The following CHSY3 variants were observed in gnomAD, a reference collection of about 807,000 sequenced individuals.
The protein encoded by CHSY3 is chondroitin sulfate synthase 3.
Under a neutral mutation model 67.2 loss-of-function variants are expected in CHSY3, and 35 were observed. That is an observed-to-expected ratio of 0.52 (90% CI 0.40 to 0.69). The LOEUF is 0.69. CHSY3 is among the 30% of genes least tolerant of loss of function. The pLI, the probability that CHSY3 is intolerant of heterozygous loss-of-function variation, is 0.00. For synonymous variants in CHSY3, 474 were observed against 434.7 expected, an observed-to-expected ratio of 1.09 and a Z score of -1.12; for missense variants, 1,069 against 1,138.5, an observed-to-expected ratio of 0.94 and a Z score of 0.88.
At chr5:130,001,613 TA>T (rs1373516666) in intron 2 of CHSY3, 6 of 866,596 alleles carry the variant, frequency 6.9e-6, no homozygotes, top group Non-Finnish European at 8.3e-6. Context: ...TGTGAGAATT[TA>T]TGTGTTGTTG....
intron 2 of CHSY3, among the ~76,000 whole-genome samples, chr5:129,944,212 C>G (rs1761780371): frequency 6.6e-6 from 1 of 152,192 alleles, no homozygotes; most frequent in African/African-American, 2.4e-5. Context: ...AGTGACCCAT[C>G]TGAACATCCA....
intron 2 of CHSY3, among the ~76,000 whole-genome samples, chr5:130,160,915 T>TA (rs1339310656): frequency 2.1e-5 from 3 of 142,264 alleles, no homozygotes; most frequent in East Asian, 4.1e-4. Context: ...TTTTATTTTT[T>TA]TTTTTTTGAG....
intron 2 of CHSY3, among the ~76,000 whole-genome samples, chr5:129,961,104 G>A (rs950986076): frequency 2.0e-5 from 3 of 151,978 alleles, no homozygotes; most frequent in Non-Finnish European, 2.9e-5. Flanking sequence ...TTCAGAAAAC[G>A]GGCAATGGAA....
intron 2 of CHSY3, among the ~76,000 whole-genome samples, chr5:130,158,668 T>A (rs1036776892): frequency 6.6e-6 from 1 of 152,198 alleles, no homozygotes; most frequent in Non-Finnish European, 1.5e-5. Flanking sequence ...TGACCTTTTA[T>A]AAAGGAAAGT....
chr5:130,143,404 A>G (rs920521678), intron 2 of CHSY3, among the ~76,000 whole-genome samples: 6 of 152,108 alleles, frequency 3.9e-5, no homozygotes, highest in Admixed American at 6.6e-5. Flanking sequence ...AAATTAATCT[A>G]TGCTATTTGA....
intron 2 of CHSY3, among the ~76,000 whole-genome samples, chr5:130,144,930 G>C (rs1165151370): frequency 6.6e-6 from 1 of 152,146 alleles, no homozygotes; most frequent in East Asian, 1.9e-4. Context: ...TTCTGGGGAG[G>C]CCTCAGGAAA....
intron 2 of CHSY3, among the ~76,000 whole-genome samples, chr5:130,125,901 C>T (rs1232409642): frequency 6.6e-6 from 1 of 152,154 alleles, no homozygotes; most frequent in African/African-American, 2.4e-5. Context: ...CCTTTCCACT[C>T]CATAATAAAA....
chr5:130,085,488 A>G (rs1324760081), intron 2 of CHSY3, among the ~76,000 whole-genome samples: 2 of 151,800 alleles, frequency 1.3e-5, no homozygotes, highest in African/African-American at 2.4e-5. Context: ...TGTCTATTTG[A>G]TTCTTCTCTC....
rs1291780147 is a variant in CHSY3, at chr5:130,137,259, A to G, written c.1087-46970A>G. On this transcript the variant is annotated intron_variant, in intron 2 of 2. Coordinates refer to ENST00000305031, the MANE Select transcript of CHSY3 (RefSeq NM_175856.5). Reference sequence around the variant, plus strand: ...TTCCATGCTATTTAATACAACCAAAATACATCTTCCTACAACTCTTTTCCT... The same window carrying G: ...TTCCATGCTATTTAATACAACCAAAGTACATCTTCCTACAACTCTTTTCCT... 2.0e-5 allele frequency among the ~76,000 whole-genome samples: 3 copies of G among 152,176 alleles called. No homozygotes were observed. The East Asian group carries it at 5.8e-4, about 29-fold the overall frequency.
At chr5:130,067,979 T>C (rs530363706) in intron 2 of CHSY3, among the ~76,000 whole-genome samples, 1 of 152,264 alleles carries the variant, frequency 6.6e-6, no homozygotes, top group South Asian at 2.1e-4. Flanking sequence ...TAAATAACTT[T>C]CCCAGTGAAT....
At chr5:129,912,924 C>T (rs897807343) in intron 2 of CHSY3, among the ~76,000 whole-genome samples, 6 of 152,176 alleles carry the variant, frequency 3.9e-5, no homozygotes, top group African/African-American at 1.4e-4. Context: ...ATGGGTTATA[C>T]CTCAAACTTT....
chr5:129,950,414 C>G (rs1370475571), intron 2 of CHSY3, among the ~76,000 whole-genome samples: 1 of 151,942 alleles, frequency 6.6e-6, no homozygotes, highest in Non-Finnish European at 1.5e-5. Context: ...CCCTGGAAGC[C>G]CTAGCCAGAG....
At chr5:130,139,122 G>C (rs1768772639) in intron 2 of CHSY3, among the ~76,000 whole-genome samples, 1 of 152,120 alleles carries the variant, frequency 6.6e-6, no homozygotes, top group Non-Finnish European at 1.5e-5. Flanking sequence ...TTAATTTGTT[G>C]CCCTAAAACA....
At chr5:130,020,648 C>T (rs533938148) in intron 2 of CHSY3, among the ~76,000 whole-genome samples, 2 of 151,604 alleles carry the variant, frequency 1.3e-5, no homozygotes, top group African/African-American at 4.8e-5. Context: ...AATGTGAGTT[C>T]CCAGACAATT....
At chr5:130,175,135 G>A (rs1007524629) in intron 2 of CHSY3, among the ~76,000 whole-genome samples, 2 of 152,028 alleles carry the variant, frequency 1.3e-5, no homozygotes, top group Non-Finnish European at 2.9e-5. Flanking sequence ...CCCATTACCA[G>A]TATGTAAAGC....
At chr5:129,934,202 C>T (rs558046698) in intron 2 of CHSY3, among the ~76,000 whole-genome samples, 1 of 152,016 alleles carries the variant, frequency 6.6e-6, no homozygotes, top group South Asian at 2.1e-4. Context: ...TAGAAAAATG[C>T]TTATGACATA....
In CHSY3 at chr5:130,184,498, C is replaced by A. The variant is rs763876032; in HGVS notation, c.1356C>A (p.Phe452Leu). The change falls in exon 3 of 3, where the codon TTC becomes TTA. Residue 452 changes from phenylalanine (F) to leucine (L), a missense_variant. Physicochemically the swap from Phe to Leu is conservative, Grantham distance 22. Coordinates refer to ENST00000305031, the MANE Select transcript of CHSY3 (RefSeq NM_175856.5). ...EDQQLGVIPS[F>L]NHFQPRERNE... ...AGCAGCTGGGAGTGATACCTTCTTT[C>A]AACCACTTCCAGCCTCGGGAGAGAA... 5.0e-6 allele frequency: 8 copies of A among 1,611,080 alleles called. No individual in the cohort carries two copies. The highest frequency in any genetic ancestry group is 6.8e-6 in the Non-Finnish European group (8 of 1,177,264).
intron 2 of CHSY3, among the ~76,000 whole-genome samples, chr5:130,123,590 C>T (rs1768129169): frequency 6.6e-6 from 1 of 152,216 alleles, no homozygotes; most frequent in South Asian, 2.1e-4. Flanking sequence ...GTTCCTAACA[C>T]ACCTTCCAGT....
chr5:130,015,917 A>G (rs1415902326), intron 2 of CHSY3, among the ~76,000 whole-genome samples: 3 of 152,202 alleles, frequency 2.0e-5, no homozygotes, highest in Admixed American at 1.3e-4. Flanking sequence ...AATGAATGAA[A>G]TCATGTCCTT....
Sources: gnomAD v4.1 joint callset for allele counts (sites outside exome capture counted in the v4.1 genomes callset) on GRCh38, gnomAD v4.1.1 for gene constraint, MANE v1.5 for transcripts, NCBI Gene and HGNC (gene_info 2026-07-23, HGNC 2026-07-21) for gene names.